The following USP15 variants were observed in gnomAD, a reference collection of about 807,000 sequenced individuals.
USP15 encodes ubiquitin specific peptidase 15, also known as ubiquitin carboxyl-terminal hydrolase 15.
A neutral mutation model predicts 127.1 loss-of-function variants in USP15; 18 were observed. The ratio of observed to expected loss-of-function variants is 0.14; its 90% CI spans 0.10 to 0.21. The LOEUF (loss-of-function observed/expected upper bound fraction) is 0.21, where lower values mean the gene tolerates loss of function less well. Among genes scored for constraint, USP15 ranks in the 10% least tolerant of loss-of-function variants. The pLI is 1.00. For missense variants in USP15, 805 were observed against 1,159.9 expected (o/e 0.69, Z 4.44); for synonymous variants, 364 against 393.7 (o/e 0.92, Z 0.89).
At chr12:62,331,018 T>C (rs1394353859) in intron 6 of USP15, among the ~76,000 whole-genome samples, 1 of 151,696 alleles carries the variant, frequency 6.6e-6, no homozygotes, top group East Asian at 1.9e-4. Context: ...GAACACGTAA[T>C]TTTAAGTCCT....
At chr12:62,328,660 T>G (rs1340755480) in intron 6 of USP15, among the ~76,000 whole-genome samples, 1 of 152,182 alleles carries the variant, frequency 6.6e-6, no homozygotes, top group Non-Finnish European at 1.5e-5. Flanking sequence ...TTTTTTTTCC[T>G]AGAAACTTGA....
intron 6 of USP15, among the ~76,000 whole-genome samples, chr12:62,327,080 A>T (rs746808412): frequency 8.5e-5 from 13 of 152,200 alleles, no homozygotes; most frequent in Non-Finnish European, 1.8e-4. Flanking sequence ...CAGTGAGCTG[A>T]GATCGTGCTG....
At chr12:62,368,262 G>A (rs2066544591) in intron 8 of USP15, among the ~76,000 whole-genome samples, 1 of 152,184 alleles carries the variant, frequency 6.6e-6, no homozygotes, top group Non-Finnish European at 1.5e-5. Flanking sequence ...GTACAGTGAG[G>A]TGCCAAGAAG....
At chr12:62,269,323 TATATATATATGTGTGTGTGTATAA>T (rs2137044221) in intron 1 of USP15, among the ~76,000 whole-genome samples, 3 of 151,964 alleles carry the variant, frequency 2.0e-5, no homozygotes, top group Middle Eastern at 3.4e-3. Flanking sequence ...CAATGGTAAG[TATATATATATGTGTGTGTGTATAA>T]ATATATATAT....
chr12:62,389,168 T>G (rs1048452912), intron 11 of USP15, among the ~76,000 whole-genome samples: 1 of 152,024 alleles, frequency 6.6e-6, no homozygotes, highest in African/African-American at 2.4e-5. Flanking sequence ...GTGGGAGCAG[T>G]TTCAAGTAAT....
At chr12:62,330,933 G>GAAAAAAAAA (rs36008434) in intron 6 of USP15, among the ~76,000 whole-genome samples, 2 of 120,316 alleles carry the variant, frequency 1.7e-5, no homozygotes, top group Admixed American at 8.4e-5. Flanking sequence ...CTCCAAAAAG[G>GAAAAAAAAA]AAAAAAAAAA....
chr12:62,336,949 T>C (rs946092995), intron 6 of USP15, among the ~76,000 whole-genome samples: 5 of 152,248 alleles, frequency 3.3e-5, no homozygotes, highest in Non-Finnish European at 5.9e-5. Flanking sequence ...GAACCTTTTA[T>C]AGTATTAAAA....
intron 8 of USP15, among the ~76,000 whole-genome samples, chr12:62,372,961 A>G (rs2066721670): frequency 1.3e-5 from 2 of 152,138 alleles, no homozygotes; most frequent in Admixed American, 1.3e-4. Flanking sequence ...ATTCACGAAT[A>G]GCCTGTTACT....
intron 1 of USP15, among the ~76,000 whole-genome samples, chr12:62,262,136 G>T (rs2063083198): frequency 6.6e-6 from 1 of 152,116 alleles, no homozygotes; most frequent in Non-Finnish European, 1.5e-5. Context: ...TACTCAGGAG[G>T]CTGAGGTGGG....
chr12:62,288,223 C>T (rs565643202), intron 1 of USP15, among the ~76,000 whole-genome samples: 1 of 152,170 alleles, frequency 6.6e-6, no homozygotes, highest in East Asian at 1.9e-4. Flanking sequence ...TCTTCTGATC[C>T]ATCAGCATGG....
At chr12:62,300,697 A>G (rs2064286060) in intron 2 of USP15, among the ~76,000 whole-genome samples, 1 of 152,274 alleles carries the variant, frequency 6.6e-6, no homozygotes, top group East Asian at 1.9e-4. Flanking sequence ...GAGTATTTGG[A>G]TATCTGTTTG....
intron 8 of USP15, among the ~76,000 whole-genome samples, chr12:62,376,746 C>T (rs919463249): frequency 4.9e-4 from 74 of 152,080 alleles, no homozygotes; most frequent in African/African-American, 1.4e-3. Flanking sequence ...TCCTGTTTAA[C>T]AGTCCAGGAA....
chr12:62,318,244 G>C (rs1460670781), intron 4 of USP15, among the ~76,000 whole-genome samples: 1 of 152,070 alleles, frequency 6.6e-6, no homozygotes, highest in Non-Finnish European at 1.5e-5. Context: ...CCTGCATTCT[G>C]GCCACCACTT....
chr12:62,300,235 T>C (rs942676958), intron 2 of USP15, among the ~76,000 whole-genome samples: 12 of 152,182 alleles, frequency 7.9e-5, no homozygotes, highest in Non-Finnish European at 8.8e-5. Context: ...CAAAGATTTA[T>C]GTAAGATTTA....
At chr12:62,381,765 G>C in intron 9 of USP15, 102 bp downstream of exon 9, 1 of 1,184,710 alleles carries the variant, frequency 8.4e-7, no homozygotes, top group Non-Finnish European at 1.2e-6. Flanking sequence ...ACAATGGTTT[G>C]TGGCCCTCCA....
chr12:62,357,321 G>C (rs1357661820), intron 8 of USP15, among the ~76,000 whole-genome samples: 1 of 152,020 alleles, frequency 6.6e-6, no homozygotes, highest in Non-Finnish European at 1.5e-5. Flanking sequence ...TATTCAAATT[G>C]AATCTTTTAA....
chr12:62,372,020 A>C (rs982760297), intron 8 of USP15, among the ~76,000 whole-genome samples: 6 of 152,130 alleles, frequency 3.9e-5, no homozygotes, highest in African/African-American at 1.2e-4. Context: ...ATGTACATCA[A>C]GATGTATTTT....
chr12:62,319,994 A>G (rs1264683331), intron 4 of USP15, among the ~76,000 whole-genome samples: 1 of 152,132 alleles, frequency 6.6e-6, no homozygotes. Context: ...TGCAATTTAC[A>G]TGGGTGTGTC....
chr12:62,390,162 C>T (rs1432373726), intron 14 of USP15, among the ~76,000 whole-genome samples, 174 bp downstream of exon 14: 2 of 152,068 alleles, frequency 1.3e-5, no homozygotes, highest in African/African-American at 4.8e-5. Context: ...TCATGTAAAA[C>T]ATATTATGGA....
Sources: allele counts gnomAD v4.1 joint callset (sites outside exome capture counted in the v4.1 genomes callset), GRCh38; gene constraint gnomAD v4.1.1; transcripts MANE v1.5; gene names NCBI Gene and HGNC (gene_info 2026-07-23, HGNC 2026-07-21).